The following PPP1R12B variants were observed in gnomAD, a reference collection of about 807,000 sequenced individuals.
The protein encoded by PPP1R12B is myosin phosphatase target subunit 2.
A neutral mutation model predicts 126.1 loss-of-function variants in PPP1R12B; 76 were observed. That is an observed-to-expected ratio of 0.60 (90% CI 0.50 to 0.73). The LOEUF is 0.73. Among genes scored for constraint, PPP1R12B ranks in the 30% least tolerant of loss-of-function variants. PPP1R12B has a pLI of 0.00. For synonymous variants in PPP1R12B, 356 were observed against 434.7 expected, an observed-to-expected ratio of 0.82 and a Z score of 2.25; for missense variants, 1,052 against 1,205.1, an observed-to-expected ratio of 0.87 and a Z score of 1.88.
chr1:202,460,226 A>G (rs1440679759), intron 13 of PPP1R12B, among the ~76,000 whole-genome samples: 1 of 152,116 alleles, frequency 6.6e-6, no homozygotes, highest in South Asian at 2.1e-4. Context: ...TTTCTCCACA[A>G]TAAGCTAAAA....
intron 13 of PPP1R12B, among the ~76,000 whole-genome samples, chr1:202,474,832 C>T (rs1572189755): frequency 1.3e-5 from 2 of 152,092 alleles, no homozygotes; most frequent in South Asian, 2.1e-4. Context: ...CCATATTGGG[C>T]TGTGCAGGTA....
intron 3 of PPP1R12B, among the ~76,000 whole-genome samples, chr1:202,423,217 T>C (rs1669044484): frequency 2.0e-5 from 3 of 152,238 alleles, no homozygotes; most frequent in Non-Finnish European, 4.4e-5. Flanking sequence ...TAATATATTC[T>C]AAAAATGCTT....
At position 202,439,034 on chromosome 1, in the gene PPP1R12B, G is replaced by A. The variant is rs1447049965; in HGVS notation, c.1458+1010G>A. The A allele has an allele frequency of 8.4e-5, 115 of 1,376,726 alleles. No individual in the cohort carries two copies. In the African/African-American group the frequency reaches 1.4e-3, roughly 16 times the overall value. 85.3% of individuals were successfully genotyped at this position (1,376,726 alleles called of 1,614,324 possible). The stretch of plus-strand genomic sequence containing the variant: ...GTGCGGCAGTGCCCACTACCAGTGG[G>A]CGGACTTCATCCTGGCCGCCAACTC... On this transcript the variant is annotated intron_variant, in intron 10 of 23. Transcript: ENST00000608999.
chr1:202,419,790 CT>C lies in PPP1R12B; in HGVS notation c.423-2829del, dbSNP rs750887017. Reference sequence around the variant, plus strand: ...CCCAGTTGTTGCTATTAACCAAAAACTATCTGAGGCAGGTCTCAATCAATTT... The same window carrying C: ...CCCAGTTGTTGCTATTAACCAAAAACATCTGAGGCAGGTCTCAATCAATTT... On this transcript the variant is annotated intron_variant, in intron 2 of 23. Coordinates refer to ENST00000608999, the MANE Select transcript of PPP1R12B (RefSeq NM_002481.4). The surrounding 1 kb of genome is among the most constrained non-coding windows in gnomAD (Gnocchi z 4.6). 1.5e-4 allele frequency among the ~76,000 whole-genome samples: 23 copies of C among 152,156 alleles called. No individual in the cohort carries two copies. The highest frequency in any genetic ancestry group is 2.5e-4 in the Non-Finnish European group (17 of 68,020).
At position 202,585,679 on chromosome 1, in the gene PPP1R12B, A is replaced by G. The variant is rs1027155343; in HGVS notation, c.*5119A>G. 1 of 152,230 alleles carries G rather than the reference A, an allele frequency of 6.6e-6. No homozygotes were observed. The highest frequency in any genetic ancestry group is 1.5e-5 in the Non-Finnish European group (1 of 68,032). 9.4% of individuals were successfully genotyped at this position (152,230 alleles called of 1,614,324 possible). On this transcript the variant is annotated 3_prime_UTR_variant, in exon 24 of 24. Transcript: ENST00000608999. ...GATTTAAACTGTTTAATATGAGCACATCAAGGTTGACTTCTCATCCTTTTT... is the reference window on the plus strand; with the variant it reads ...GATTTAAACTGTTTAATATGAGCACGTCAAGGTTGACTTCTCATCCTTTTT...
At chr1:202,359,807 CA>C (rs1475830970) in intron 1 of PPP1R12B, among the ~76,000 whole-genome samples, 2 of 151,872 alleles carry the variant, frequency 1.3e-5, no homozygotes, top group African/African-American at 4.8e-5. Flanking sequence ...CTGTCTCAAA[CA>C]AAAACAAAAA....
At chr1:202,370,713 C>G (rs1434392723) in intron 1 of PPP1R12B, among the ~76,000 whole-genome samples, 1 of 151,836 alleles carries the variant, frequency 6.6e-6, no homozygotes, top group African/African-American at 2.4e-5. Context: ...ATTTTTTGTA[C>G]TTTTAGTAGA....
chr1:202,435,002 G>T (rs1291077028), intron 9 of PPP1R12B, among the ~76,000 whole-genome samples: 1 of 152,082 alleles, frequency 6.6e-6, no homozygotes, highest in Non-Finnish European at 1.5e-5. Flanking sequence ...TCAGTTCCTG[G>T]TGAGGGCCCT....
chr1:202,506,714 A>G (rs1285645720), intron 18 of PPP1R12B, among the ~76,000 whole-genome samples: 1 of 152,144 alleles, frequency 6.6e-6, no homozygotes, highest in Non-Finnish European at 1.5e-5. Context: ...TCTTTTTATT[A>G]TAGGAACAGA....
intron 18 of PPP1R12B, among the ~76,000 whole-genome samples, chr1:202,504,945 A>G (rs1680654216): frequency 6.6e-6 from 1 of 152,210 alleles, no homozygotes; most frequent in South Asian, 2.1e-4. Context: ...CCAAATCTAC[A>G]AGTTCCTACA....
At chr1:202,371,711 A>G (rs1660292786) in intron 1 of PPP1R12B, among the ~76,000 whole-genome samples, 1 of 152,166 alleles carries the variant, frequency 6.6e-6, no homozygotes, top group Non-Finnish European at 1.5e-5. Flanking sequence ...AAAAAGTTGC[A>G]AAGATAGTTT....
intron 18 of PPP1R12B, among the ~76,000 whole-genome samples, chr1:202,535,540 A>G (rs559937109): frequency 6.6e-6 from 1 of 152,272 alleles, no homozygotes; most frequent in East Asian, 1.9e-4. Flanking sequence ...CAGTTCCTCT[A>G]TTTGATAGTT....
intron 1 of PPP1R12B, among the ~76,000 whole-genome samples, chr1:202,381,321 G>A (rs1288885328): frequency 6.6e-6 from 1 of 151,548 alleles, no homozygotes; most frequent in Non-Finnish European, 1.5e-5. Flanking sequence ...AGGACCTTTT[G>A]GTTTGACCTG....
chr1:202,542,629 T>C (rs1222785260), intron 18 of PPP1R12B, among the ~76,000 whole-genome samples: 1 of 152,220 alleles, frequency 6.6e-6, no homozygotes, highest in African/African-American at 2.4e-5. Context: ...GCTGTATTTA[T>C]AGGCCAAGGG....
chr1:202,369,244 A>C (rs1659804515), intron 1 of PPP1R12B, among the ~76,000 whole-genome samples: 1 of 152,200 alleles, frequency 6.6e-6, no homozygotes, highest in Non-Finnish European at 1.5e-5. Context: ...CCAATCTCTA[A>C]TAGGTTTTAA....
intron 19 of PPP1R12B, among the ~76,000 whole-genome samples, chr1:202,562,340 T>C (rs1687613009): frequency 6.6e-6 from 1 of 152,224 alleles, no homozygotes; most frequent in Admixed American, 6.5e-5. Flanking sequence ...ATTTCATTCC[T>C]ATTCAACCTC....
intron 1 of PPP1R12B, among the ~76,000 whole-genome samples, chr1:202,382,084 T>A (rs1473639208): frequency 6.6e-6 from 1 of 152,098 alleles, no homozygotes; most frequent in South Asian, 2.1e-4. Context: ...CATGGAATAC[T>A]ATGCAGCCAT....
chr1:202,355,289 A>C (rs1656865962), intron 1 of PPP1R12B, among the ~76,000 whole-genome samples: 1 of 152,188 alleles, frequency 6.6e-6, no homozygotes, highest in Non-Finnish European at 1.5e-5. Context: ...GTAGATTGTA[A>C]GTCTGTACTA....
intron 1 of PPP1R12B, among the ~76,000 whole-genome samples, chr1:202,398,091 T>C (rs1366596325): frequency 6.6e-6 from 1 of 152,136 alleles, no homozygotes; most frequent in Non-Finnish European, 1.5e-5. Context: ...GTATTTTCTA[T>C]ATGTTTGATT....
Sources: allele counts gnomAD v4.1 joint callset (sites outside exome capture counted in the v4.1 genomes callset), GRCh38; gene constraint gnomAD v4.1.1; non-coding constraint Gnocchi (gnomAD v3.1); transcripts MANE v1.5; gene names NCBI Gene and HGNC (gene_info 2026-07-23, HGNC 2026-07-21).